Variants in CERKL observed in about 807,000 individuals in gnomAD.
CERKL encodes the protein ceramide kinase-like protein.
CERKL carries 61 observed loss-of-function variants against 63.4 expected under a neutral mutation model. That is an observed-to-expected ratio of 0.96 (90% confidence interval 0.78 to 1.19). The LOEUF (loss-of-function observed/expected upper bound fraction) is 1.19, where lower values mean the gene tolerates loss of function less well. CERKL is among the 50% of genes most tolerant of loss of function. The pLI is 0.00. For missense variants in CERKL, 675 were observed against 655.5 expected (o/e 1.03, Z -0.33); for synonymous variants, 250 against 230.5 (o/e 1.08, Z -0.77).
chr2:181,576,508 C>T (rs112999610), intron 2 of CERKL, among the ~76,000 whole-genome samples: 283 of 152,280 alleles, frequency 1.9e-3, no homozygotes, highest in Admixed American at 3.8e-3. Flanking sequence ...ACACGACAGG[C>T]CAGGGAAGGT....
At chr2:181,631,838 G>T (rs961992088) in intron 1 of CERKL, among the ~76,000 whole-genome samples, 1 of 152,160 alleles carries the variant, frequency 6.6e-6, no homozygotes, top group Non-Finnish European at 1.5e-5. Context: ...AGGTAACCAA[G>T]CTGGGCTGTC....
intron 2 of CERKL, 149 bp downstream of exon 2, chr2:181,603,688 A>T (rs1372810598): frequency 1.1e-5 from 9 of 830,716 alleles, no homozygotes; most frequent in Non-Finnish European, 1.9e-5. Context: ...AGTATTTAGC[A>T]AATTTCAACA....
chr2:181,560,278 C>T (rs1688381650), intron 4 of CERKL, among the ~76,000 whole-genome samples: 1 of 152,104 alleles, frequency 6.6e-6, no homozygotes, highest in Non-Finnish European at 1.5e-5. Flanking sequence ...CCAAAAAAAT[C>T]TAATTTAGCA....
chr2:181,575,053 T>C (rs537237276), intron 2 of CERKL, among the ~76,000 whole-genome samples: 1 of 152,212 alleles, frequency 6.6e-6, no homozygotes, highest in African/African-American at 2.4e-5. Flanking sequence ...ATGCCTTCCT[T>C]TTTCCTTGCC....
chr2:181,645,217 T>A (rs375187625), intron 1 of CERKL, among the ~76,000 whole-genome samples: 67 of 152,326 alleles, frequency 4.4e-4, no homozygotes, highest in African/African-American at 1.5e-3. Flanking sequence ...GAGAGGGGAA[T>A]ACTGCCTTTG....
intron 2 of CERKL, among the ~76,000 whole-genome samples, chr2:181,578,225 C>CACACGTATATATAT (rs1684339652): frequency 6.7e-6 from 1 of 149,844 alleles, no homozygotes; most frequent in African/African-American, 2.5e-5. Context: ...TATATATACA[C>CACACGTATATATAT]ACACACATAT....
At chr2:181,593,068 A>C (rs954562771) in intron 2 of CERKL, among the ~76,000 whole-genome samples, 1 of 152,142 alleles carries the variant, frequency 6.6e-6, no homozygotes, top group Non-Finnish European at 1.5e-5. Flanking sequence ...TGCTTTGCAT[A>C]CATTACACAT....
chr2:181,555,175 G>A (rs1198330833), intron 5 of CERKL, among the ~76,000 whole-genome samples: 1 of 152,038 alleles, frequency 6.6e-6, no homozygotes, highest in Non-Finnish European at 1.5e-5. Flanking sequence ...TATGTCAAAG[G>A]CATACCTGTA....
Position 181,550,960 on chromosome 2 carries a change from C to G in CERKL, c.821-1252G>C, listed in dbSNP as rs1687957556. On this transcript the variant is annotated intron_variant, in intron 5 of 12. Transcript: ENST00000410087. The surrounding 1 kb of genome is among the most constrained non-coding windows in gnomAD (Gnocchi z 4.5). ...GTGACCCTTGTTACTCAAAATACGG[C>G]CTACTGTCAAACAGGAATGACAATA... Among the ~76,000 whole-genome samples the G allele has an allele frequency of 1.3e-5, 2 of 152,144 alleles. No individual in the cohort carries two copies. Among genetic ancestry groups the G allele is most frequent in the African/African-American group, 2.4e-5 (1 of 41,506 alleles).
At chr2:181,624,369 A>C (rs916399364) in intron 1 of CERKL, among the ~76,000 whole-genome samples, 2 of 142,082 alleles carry the variant, frequency 1.4e-5, no homozygotes, top group African/African-American at 5.9e-5. Context: ...CTCTAGTAAA[A>C]GTTAAAAAAA....
At chr2:181,585,442 A>G (rs757505459) in intron 2 of CERKL, among the ~76,000 whole-genome samples, 10 of 152,182 alleles carry the variant, frequency 6.6e-5, no homozygotes, top group Non-Finnish European at 1.3e-4. Flanking sequence ...TTAAATTGGT[A>G]TTTTATAAAG....
rs146071831 is a variant in CERKL at position 181,564,918 on chromosome 2, T to C, written c.677+1140A>G. Among the ~76,000 whole-genome samples, 672 of 152,298 alleles carry C rather than the reference T, an allele frequency of 4.4e-3. 4 individuals are homozygous for C. Among genetic ancestry groups the C allele is most frequent in the African/African-American group, 0.015 (638 of 41,578 alleles). ...TTTTGTCTACCTCTAAGTATAAAGTTCTGAAGTAATCTCCTACCCCATATT... is the reference window on the plus strand; with the variant it reads ...TTTTGTCTACCTCTAAGTATAAAGTCCTGAAGTAATCTCCTACCCCATATT... On this transcript the variant is annotated intron_variant, in intron 4 of 12. Coordinates refer to ENST00000410087, the MANE Select transcript of CERKL (RefSeq NM_201548.5).
chr2:181,582,491 T>C (rs550937837), intron 2 of CERKL, among the ~76,000 whole-genome samples: 26 of 151,314 alleles, frequency 1.7e-4, no homozygotes, highest in Non-Finnish European at 2.9e-4. Context: ...GAATATTTTA[T>C]TTTATTCAAC....
chr2:181,646,764 A>C (rs1687688594), intron 1 of CERKL, among the ~76,000 whole-genome samples: 1 of 152,208 alleles, frequency 6.6e-6, no homozygotes. Flanking sequence ...ATAAGGACTG[A>C]AAATTTCCAC....
At chr2:181,544,649 T>C in intron 11 of CERKL, 51 bp downstream of exon 11, 1 of 1,067,000 alleles carries the variant, frequency 9.4e-7, no homozygotes, top group Non-Finnish European at 1.4e-6. Context: ...AGCATCTTTT[T>C]CTACATGATT....
At chr2:181,627,442 T>C (rs1254579574) in intron 1 of CERKL, among the ~76,000 whole-genome samples, 1 of 152,232 alleles carries the variant, frequency 6.6e-6, no homozygotes, top group Admixed American at 6.5e-5. Flanking sequence ...AGTTGCCTCA[T>C]GTGATGCTGC....
chr2:181,556,905 G>A (rs1218671508), intron 5 of CERKL, among the ~76,000 whole-genome samples: 2 of 152,156 alleles, frequency 1.3e-5, no homozygotes, highest in Non-Finnish European at 2.9e-5. Flanking sequence ...TCCAGCACCT[G>A]TTGTTTCCTG....
chr2:181,604,881 A>C (rs558434487), intron 1 of CERKL, among the ~76,000 whole-genome samples: 56 of 152,304 alleles, frequency 3.7e-4, no homozygotes, highest in African/African-American at 1.2e-3. Context: ...ATAGTGGCAT[A>C]AAATTTTCAT....
At chr2:181,609,867 C>T (rs16867459) in intron 1 of CERKL, among the ~76,000 whole-genome samples, 21,658 of 151,912 alleles carry the variant, frequency 0.14, 1,724 homozygotes, top group East Asian at 0.25. Context: ...GGCATCTAAG[C>T]GCCGCTAGAA....
Sources: allele counts gnomAD v4.1 joint callset (sites outside exome capture counted in the v4.1 genomes callset), GRCh38; gene constraint gnomAD v4.1.1; non-coding constraint Gnocchi (gnomAD v3.1); transcripts MANE v1.5; gene names NCBI Gene and HGNC (gene_info 2026-07-23, HGNC 2026-07-21).